Variants in AVEN observed in about 807,000 individuals in gnomAD.
AVEN encodes cell death regulator Aven.
In AVEN, 41 loss-of-function variants were observed where a neutral mutation model predicts 38.1. That is an observed-to-expected ratio of 1.08 (90% confidence interval 0.84 to 1.40). The LOEUF (loss-of-function observed/expected upper bound fraction) is 1.40, where lower values mean the gene tolerates loss of function less well. Ranked by LOEUF, AVEN falls within the 40% of genes most tolerant of loss-of-function variation. The pLI is 0.00. For synonymous variants in AVEN, 206 were observed against 171.8 expected (o/e 1.20, Z -1.56); for missense variants, 605 against 438.8 (o/e 1.38, Z -3.38).
the AVEN span, chr15:33,853,172 T>A: frequency 8.9e-7 from 1 of 1,129,312 alleles, no homozygotes; most frequent in African/African-American, 1.6e-5. Flanking sequence ...CAAACATGAG[T>A]AAATGTGATG....
At chr15:34,001,230 C>G (rs1897126887) in intron 2 of AVEN, among the ~76,000 whole-genome samples, 2 of 152,138 alleles carry the variant, frequency 1.3e-5, no homozygotes, top group South Asian at 4.2e-4. Context: ...CTATGTTGGC[C>G]AGGATGGTCT....
intron 5 of AVEN, chr15:34,046,886 G>T (rs1038111633): frequency 6.6e-6 from 1 of 152,292 alleles, no homozygotes; most frequent in South Asian, 2.1e-4. Context: ...GTGATTGTGC[G>T]ACCCCACCGG....
intron 2 of AVEN, among the ~76,000 whole-genome samples, chr15:33,904,909 C>T (rs1289660428): frequency 1.3e-5 from 2 of 151,386 alleles, no homozygotes; most frequent in Non-Finnish European, 2.9e-5. Flanking sequence ...GCGGGTGGAT[C>T]ACCTCAGGTC....
chr15:34,031,946 T>C (rs2140765167), intron 1 of AVEN, among the ~76,000 whole-genome samples: 1 of 152,160 alleles, frequency 6.6e-6, no homozygotes, highest in Admixed American at 6.6e-5. Context: ...AACAAAGCTG[T>C]TAATTATTTC....
intron 2 of AVEN, among the ~76,000 whole-genome samples, chr15:33,916,681 T>C (rs1457944987): frequency 1.3e-5 from 2 of 151,858 alleles, no homozygotes; most frequent in East Asian, 3.9e-4. Flanking sequence ...AAAAAAATAA[T>C]AATAATAAAT....
intron 2 of AVEN, chr15:33,885,676 T>A (rs1891671776): frequency 2.0e-5 from 3 of 152,188 alleles, no homozygotes; most frequent in Admixed American, 6.5e-5. Flanking sequence ...GAGCACTACA[T>A]AATAGGTTGT....
chr15:33,986,625 T>C (rs561186443), intron 2 of AVEN, among the ~76,000 whole-genome samples: 7 of 152,174 alleles, frequency 4.6e-5, no homozygotes, highest in East Asian at 3.9e-4. Context: ...CAGGATATAA[T>C]AGATCATGAC....
intron 2 of AVEN, among the ~76,000 whole-genome samples, chr15:33,918,818 G>T (rs1893270711): frequency 6.6e-6 from 1 of 151,864 alleles, no homozygotes; most frequent in Non-Finnish European, 1.5e-5. Flanking sequence ...TGACTAAACA[G>T]AATTTCCTCA....
chr15:33,899,061 C>A (rs1029514078), intron 2 of AVEN, among the ~76,000 whole-genome samples: 18 of 152,080 alleles, frequency 1.2e-4, no homozygotes, highest in Non-Finnish European at 2.2e-4. Context: ...GTGTGATATA[C>A]TGGAAAGGTA....
chr15:34,065,455 G>C (rs1435837425), intron 4 of AVEN: 1 of 152,152 alleles, frequency 6.6e-6, no homozygotes, highest in African/African-American at 2.4e-5. Context: ...AGGGGGTTGT[G>C]GGGTGAGGTG....
chr15:33,994,881 T>C (rs563796087), intron 2 of AVEN, among the ~76,000 whole-genome samples: 7 of 152,074 alleles, frequency 4.6e-5, no homozygotes, highest in Non-Finnish European at 1.0e-4. Context: ...TCCAGCTAAT[T>C]TGGGAAGAAA....
chr15:33,910,798 G>C (rs955446956), intron 2 of AVEN, among the ~76,000 whole-genome samples: 13 of 152,162 alleles, frequency 8.5e-5, no homozygotes, highest in African/African-American at 2.9e-4. Context: ...AGCCAACAGT[G>C]ATCATGGCAG....
intron 2 of AVEN, among the ~76,000 whole-genome samples, chr15:33,891,516 T>A (rs1477470215): frequency 6.6e-6 from 1 of 152,146 alleles, no homozygotes; most frequent in Non-Finnish European, 1.5e-5. Flanking sequence ...CTGCTGAGAA[T>A]GATGGTTTCC....
At chr15:33,996,304 T>C (rs1240446021) in intron 2 of AVEN, among the ~76,000 whole-genome samples, 2 of 152,204 alleles carry the variant, frequency 1.3e-5, no homozygotes, top group Admixed American at 1.3e-4. Flanking sequence ...AACGTCCCTG[T>C]CTGACAGCTC....
chr15:33,854,359 T>A, downstream of AVEN: 1 of 1,540,236 alleles, frequency 6.5e-7, no homozygotes, highest in Non-Finnish European at 8.8e-7. Context: ...TTGACATTTA[T>A]AAGTTTTAAA....
chr15:34,014,556 G>A (rs1029545111), intron 1 of AVEN, among the ~76,000 whole-genome samples: 3 of 152,050 alleles, frequency 2.0e-5, no homozygotes, highest in Non-Finnish European at 4.4e-5. Context: ...AAGTCCCAAA[G>A]ATGAACAGGT....
At chr15:34,008,978 A>ACC (rs1269403886) in intron 1 of AVEN, among the ~76,000 whole-genome samples, 10 of 135,548 alleles carry the variant, frequency 7.4e-5, no homozygotes, top group African/African-American at 2.5e-4. Flanking sequence ...ACACACACAG[A>ACC]CCATCGAGAA....
chr15:33,933,524 C>CACACACACACACACACACAGAGAG (rs1893945145), intron 2 of AVEN, among the ~76,000 whole-genome samples: 4 of 46,648 alleles, frequency 8.6e-5, no homozygotes, highest in African/African-American at 2.8e-4. Context: ...CACACACACA[C>CACACACACACACACACACAGAGAG]AGAGAGAGAG....
chr15:34,044,451 T>C (rs1444906505), intron 5 of AVEN, among the ~76,000 whole-genome samples: 1 of 152,216 alleles, frequency 6.6e-6, no homozygotes, highest in Non-Finnish European at 1.5e-5. Context: ...TTTAAAGATA[T>C]ATATAATCCT....
Sources: allele counts gnomAD v4.1 joint callset (sites outside exome capture counted in the v4.1 genomes callset), GRCh38; gene constraint gnomAD v4.1.1; transcripts MANE v1.5; gene names NCBI Gene and HGNC (gene_info 2026-07-23, HGNC 2026-07-21).